The following PSD3 variants were observed in gnomAD, a reference collection of about 807,000 sequenced individuals.
PSD3 encodes the protein PH and SEC7 domain-containing protein 3.
In PSD3, 49 loss-of-function variants were observed where a neutral mutation model predicts 105.5. That is an observed-to-expected ratio of 0.46 (90% CI 0.37 to 0.59). PSD3 has a LOEUF of 0.59. PSD3 is among the 20% of genes least tolerant of loss of function. PSD3 has a pLI of 0.00. For missense variants in PSD3, 1,561 were observed against 1,263.8 expected, an observed-to-expected ratio of 1.24 and a Z score of -3.57; for synonymous variants, 557 against 457.8, an observed-to-expected ratio of 1.22 and a Z score of -2.77.
chr8:18,712,861 G>A (rs561873921), intron 9 of PSD3, among the ~76,000 whole-genome samples: 1 of 152,224 alleles, frequency 6.6e-6, no homozygotes, highest in Admixed American at 6.5e-5. Context: ...AACATACGTG[G>A]TGAACACCAG....
At chr8:19,084,591 G>T (rs1418334841) in exon 1 of PSD3, 3 of 356,828 alleles carry the variant, frequency 8.4e-6, no homozygotes, top group African/African-American at 2.1e-5. Context: ...TGTCTTGGAG[G>T]CAGGGGCCTG....
intron 12 of PSD3, among the ~76,000 whole-genome samples, chr8:18,591,342 T>C (rs908922002): frequency 6.6e-6 from 1 of 152,102 alleles, no homozygotes; most frequent in Non-Finnish European, 1.5e-5. Flanking sequence ...TCAATTGGAA[T>C]ACTGAGGGAA....
At chr8:18,546,584 T>A (rs1000378270) in intron 15 of PSD3, among the ~76,000 whole-genome samples, 24 of 152,226 alleles carry the variant, frequency 1.6e-4, no homozygotes, top group Non-Finnish European at 3.4e-4. Context: ...GTAAAAATTT[T>A]AAAATCTCAC....
At chr8:18,990,497 A>T (rs1172939734) in intron 1 of PSD3, among the ~76,000 whole-genome samples, 2 of 152,142 alleles carry the variant, frequency 1.3e-5, no homozygotes, top group Non-Finnish European at 2.9e-5. Flanking sequence ...TCTGCCAGGG[A>T]CATCTGCTGT....
At chr8:18,748,173 C>T (rs979527826) in intron 9 of PSD3, among the ~76,000 whole-genome samples, 1 of 152,098 alleles carries the variant, frequency 6.6e-6, no homozygotes, top group Non-Finnish European at 1.5e-5. Flanking sequence ...TATGTATACA[C>T]ACTTTAAAAG....
intron 14 of PSD3, among the ~76,000 whole-genome samples, chr8:18,566,614 G>A (rs1007484738): frequency 6.6e-6 from 1 of 152,014 alleles, no homozygotes; most frequent in Non-Finnish European, 1.5e-5. Flanking sequence ...CAAAGCAAAT[G>A]CTGGGTGATG....
Position 18,808,043 on chromosome 8 carries a change from T to TA in PSD3, c.1635-3146dup, listed in dbSNP as rs749779036. Among the ~76,000 whole-genome samples the TA allele has an allele frequency of 1.0e-3, 155 of 152,234 alleles. 1 individual carries two copies. The highest frequency in any genetic ancestry group is 1.5e-3 in the Non-Finnish European group (102 of 68,048). On this transcript the variant is annotated intron_variant, in intron 4 of 15. Coordinates refer to ENST00000327040, the MANE Select transcript of PSD3 (RefSeq NM_015310.4). ...TAATCATTATCGACAGTATAACCTA[T>TA]AATAAGAAAACTCACAGTAGAAATT...
rs1192075790 is a variant in PSD3 at position 18,652,668 on chromosome 8, T to C, written c.2216+2974A>G. ...GCACGCCACCACGCCCAGCTAATTT[T>C]TGTATTTTTAGTAGAGATGAGGTTT... On this transcript the variant is annotated intron_variant, in intron 10 of 15. Coordinates refer to ENST00000327040, the MANE Select transcript of PSD3 (RefSeq NM_015310.4). Among the ~76,000 whole-genome samples the C allele has an allele frequency of 3.3e-5, 5 of 151,858 alleles. No homozygotes were observed. In the South Asian group the frequency reaches 1.0e-3, roughly 32 times the overall value.
intron 1 of PSD3, among the ~76,000 whole-genome samples, chr8:18,971,424 C>G (rs1333775267): frequency 6.6e-6 from 1 of 152,180 alleles, no homozygotes; most frequent in Non-Finnish European, 1.5e-5. Context: ...GACAATACCC[C>G]ATCAACTGGC....
chr8:19,000,414 A>AG (rs1193482008), intron 1 of PSD3, among the ~76,000 whole-genome samples: 1 of 146,218 alleles, frequency 6.8e-6, no homozygotes, highest in Non-Finnish European at 1.5e-5. Flanking sequence ...AAAAAGAGAG[A>AG]GAAAAAAAAC....
chr8:18,872,233 A>G lies in PSD3; in HGVS notation c.631T>C (p.Leu211=). ...GCGGTGAGATCTTTCTGGATGCTCA[A>G]ATAAAAACTTTCCTCCGTTGTTACT... ...AEVTTEESFY[L]SIQKDLTALL... The change falls in exon 3 of 16, where the codon TTG becomes CTG. Residue 211 remains leucine (L), a synonymous_variant. Transcript: ENST00000327040. 6.2e-7 allele frequency: 1 copy of G among 1,614,224 alleles called. No individual in the cohort carries two copies. Among genetic ancestry groups the G allele is most frequent in the East Asian group, 2.2e-5 (1 of 44,874 alleles).
chr8:18,829,164 C>A (rs1306573633), intron 4 of PSD3, among the ~76,000 whole-genome samples: 1 of 152,114 alleles, frequency 6.6e-6, no homozygotes, highest in Non-Finnish European at 1.5e-5. Context: ...GGTGGATCAA[C>A]TGAAGGCACA....
chr8:18,841,296 T>G (rs905839101), intron 4 of PSD3, among the ~76,000 whole-genome samples: 4 of 152,154 alleles, frequency 2.6e-5, no homozygotes, highest in Non-Finnish European at 5.9e-5. Flanking sequence ...TTGTGTATTC[T>G]CAGCGAGGGC....
At chr8:19,066,691 C>A (rs533874299) in intron 1 of PSD3, among the ~76,000 whole-genome samples, 11 of 152,322 alleles carry the variant, frequency 7.2e-5, no homozygotes, top group African/African-American at 2.6e-4. Context: ...GCCTTGATTT[C>A]TTTTGTCTAT....
intron 9 of PSD3, among the ~76,000 whole-genome samples, chr8:18,714,396 T>C (rs1302508014): frequency 6.8e-6 from 1 of 148,080 alleles, no homozygotes; most frequent in South Asian, 2.1e-4. Context: ...AGGTCTGATA[T>C]CCAGAGACTA....
At chr8:18,771,931 GTT>G (rs1319780487) in intron 8 of PSD3, among the ~76,000 whole-genome samples, 1 of 152,090 alleles carries the variant, frequency 6.6e-6, no homozygotes, top group African/African-American at 2.4e-5. Context: ...TCTACTTTCT[GTT>G]TATATGAATT....
chr8:19,028,927 T>C (rs1827661961), intron 1 of PSD3, among the ~76,000 whole-genome samples: 1 of 152,226 alleles, frequency 6.6e-6, no homozygotes, highest in Non-Finnish European at 1.5e-5. Flanking sequence ...ATTCCATTCT[T>C]GAAAAGATTA....
intron 9 of PSD3, among the ~76,000 whole-genome samples, chr8:18,704,146 G>C (rs1421375630): frequency 1.3e-5 from 2 of 152,240 alleles, no homozygotes; most frequent in East Asian, 3.9e-4. Flanking sequence ...TAGTTCTTTA[G>C]ACCATTTGGC....
rs73589478 is a variant in PSD3 at position 18,666,471 on chromosome 8, T to C, written c.2173-10786A>G. 9.3e-3 allele frequency among the ~76,000 whole-genome samples: 1,411 copies of C among 152,348 alleles called. 26 individuals are homozygous for C. The highest frequency in any genetic ancestry group is 0.033 in the African/African-American group (1,358 of 41,578). On this transcript the variant is annotated intron_variant, in intron 9 of 15. Transcript: ENST00000327040. ...ACCTGTAGTATCTCCAAGGTCTGCC[T>C]GTTTAAAGAATTTTTCCCCTAGTTA...
Sources: gnomAD v4.1 joint callset for allele counts (sites outside exome capture counted in the v4.1 genomes callset) on GRCh38, gnomAD v4.1.1 for gene constraint, MANE v1.5 for transcripts, NCBI Gene and HGNC (gene_info 2026-07-23, HGNC 2026-07-21) for gene names.